NT5C2: variants seen among roughly 807,000 people sequenced by gnomAD.
NT5C2 encodes 5'-nucleotidase, cytosolic II.
A neutral mutation model predicts 76.1 loss-of-function variants in NT5C2; 58 were observed. The ratio of observed to expected loss-of-function variants is 0.76; its 90% CI spans 0.62 to 0.95. The LOEUF is 0.95. Among genes scored for constraint, NT5C2 ranks in the 40% least tolerant of loss-of-function variants. The pLI is 0.00. For synonymous variants in NT5C2, 229 were observed against 237.4 expected (o/e 0.96, Z 0.32); for missense variants, 478 against 690.3 (o/e 0.69, Z 3.45).
intron 1 of NT5C2, among the ~76,000 whole-genome samples, chr10:103,189,809 C>T (rs891615346): frequency 1.3e-5 from 2 of 150,626 alleles, no homozygotes; most frequent in African/African-American, 4.9e-5. Context: ...GCTGGGACTA[C>T]AGGTGGGCGC....
At chr10:103,139,818 T>C (rs1213926194) in intron 3 of NT5C2, among the ~76,000 whole-genome samples, 1 of 152,234 alleles carries the variant, frequency 6.6e-6, no homozygotes, top group Non-Finnish European at 1.5e-5. Context: ...TATTATTAAA[T>C]ATAGCCCTCA....
chr10:103,104,937 C>T (rs2070811193), intron 6 of NT5C2, among the ~76,000 whole-genome samples: 1 of 152,064 alleles, frequency 6.6e-6, no homozygotes, highest in South Asian at 2.1e-4. Flanking sequence ...TTGTTCTGAC[C>T]TTAATACAAT....
Position 103,153,272 on chromosome 10 carries a change from G to A in NT5C2, c.102-13793C>T, listed in dbSNP as rs141882555. ...TTCACTGAGAAAAATGAAAGAGAAAGAATAATAAAATCACTTACCCTTCCT... is the reference window on the plus strand; with the variant it reads ...TTCACTGAGAAAAATGAAAGAGAAAAAATAATAAAATCACTTACCCTTCCT... On this transcript the variant is annotated intron_variant, in intron 3 of 18. Transcript: ENST00000404739. 4.7e-6 allele frequency: 6 copies of A among 1,277,112 alleles called. No individual in the cohort carries two copies. The South Asian group carries it at 7.5e-5, about 16-fold the overall frequency. The allele number at this position is 1,277,112 out of a possible 1,614,324, so 79.1% of individuals were successfully genotyped here.
intron 2 of NT5C2, among the ~76,000 whole-genome samples, chr10:103,178,201 T>C (rs898797098): frequency 6.6e-6 from 1 of 152,224 alleles, no homozygotes; most frequent in Non-Finnish European, 1.5e-5. Context: ...CGTCTCATCA[T>C]ATACAAAATT....
intron 4 of NT5C2, among the ~76,000 whole-genome samples, chr10:103,136,382 T>C (rs1442074651): frequency 6.6e-6 from 1 of 152,224 alleles, no homozygotes; most frequent in African/African-American, 2.4e-5. Flanking sequence ...TCTGTAAATA[T>C]TAAATAACAG....
chr10:103,096,373 G>A (rs935341785), intron 11 of NT5C2, among the ~76,000 whole-genome samples: 3 of 152,180 alleles, frequency 2.0e-5, no homozygotes, highest in African/African-American at 7.2e-5. Flanking sequence ...ATGTAAGACT[G>A]TTTACTACAA....
At chr10:103,155,647 C>T (rs1330254066) in intron 3 of NT5C2, among the ~76,000 whole-genome samples, 1 of 152,130 alleles carries the variant, frequency 6.6e-6, no homozygotes, top group African/African-American at 2.4e-5. Context: ...CATGATCACA[C>T]CACTGCACTC....
intron 4 of NT5C2, among the ~76,000 whole-genome samples, chr10:103,126,515 A>C (rs992747210): frequency 3.3e-5 from 5 of 152,128 alleles, no homozygotes; most frequent in African/African-American, 9.7e-5. Flanking sequence ...CCAGCTACTC[A>C]GGAGGCTGAG....
chr10:103,166,646 TTTTC>T (rs568749862), intron 3 of NT5C2, among the ~76,000 whole-genome samples: 191 of 152,204 alleles, frequency 1.3e-3, no homozygotes, highest in South Asian at 3.1e-3. Flanking sequence ...TTTTGAATTT[TTTTC>T]TTTCTTTCTT....
At chr10:103,183,291 A>ATATATATAATATATATATATATC (rs1554841794) in intron 1 of NT5C2, among the ~76,000 whole-genome samples, 1 of 128,146 alleles carries the variant, frequency 7.8e-6, no homozygotes, top group East Asian at 2.4e-4. Flanking sequence ...ATATATATAT[A>ATATATATAATATATATATATATC]TATCACACAC....
At chr10:103,184,373 G>A (rs371365204) in intron 1 of NT5C2, among the ~76,000 whole-genome samples, 1 of 152,148 alleles carries the variant, frequency 6.6e-6, no homozygotes, top group African/African-American at 2.4e-5. Flanking sequence ...ACACCAAAGT[G>A]ATGCCAACAG....
At chr10:103,130,055 G>A (rs1054613906) in intron 4 of NT5C2, among the ~76,000 whole-genome samples, 3 of 151,678 alleles carry the variant, frequency 2.0e-5, no homozygotes, top group Non-Finnish European at 3.0e-5. Context: ...TGGGAGGTGT[G>A]CCCAACAGCT....
chr10:103,120,556 C>T (rs2135679090), intron 4 of NT5C2, among the ~76,000 whole-genome samples: 1 of 152,190 alleles, frequency 6.6e-6, no homozygotes, highest in East Asian at 1.9e-4. Flanking sequence ...ATTAGAGAAA[C>T]ATGAAATCAA....
intron 4 of NT5C2, among the ~76,000 whole-genome samples, chr10:103,111,221 C>T (rs941634697): frequency 2.0e-5 from 3 of 152,182 alleles, no homozygotes; most frequent in African/African-American, 4.8e-5. Flanking sequence ...TAACTTCACA[C>T]AATATCTGCT....
intron 2 of NT5C2, among the ~76,000 whole-genome samples, chr10:103,177,343 G>C (rs7917650): frequency 0.31 from 47,223 of 152,022 alleles, 7,465 homozygotes; most frequent in Middle Eastern, 0.36. Flanking sequence ...TTTCACTTCT[G>C]TTTTTGAAGT....
At position 103,101,060 on chromosome 10, in the gene NT5C2, C is replaced by CA; in HGVS notation, c.523dup (p.Cys175LeufsTer8). On this transcript the variant is annotated frameshift_variant, in exon 8 of 19. Transcript: ENST00000404739. LOFTEE classifies it high-confidence loss of function. ...ATATACATACCTGGTATATCTGGGA[C>CA]AATTAGTAAAAAAATCTACTAGGCA... 1 of 1,565,208 alleles carries CA rather than the reference C, an allele frequency of 6.4e-7. No individual in the cohort carries two copies. The highest frequency in any genetic ancestry group is 8.8e-7 in the Non-Finnish European group (1 of 1,135,794).
At chr10:103,178,784 G>A (rs1313108145) in intron 2 of NT5C2, among the ~76,000 whole-genome samples, 20 of 139,678 alleles carry the variant, frequency 1.4e-4, no homozygotes, top group South Asian at 2.4e-4. Context: ...GAGCTGAGCC[G>A]AGATCACACC....
intron 4 of NT5C2, among the ~76,000 whole-genome samples, chr10:103,129,121 G>A (rs1187455937): frequency 3.1e-5 from 4 of 129,366 alleles, no homozygotes; most frequent in Non-Finnish European, 6.8e-5. Context: ...CCGGGAGGGA[G>A]GTGGGGGGTC....
intron 3 of NT5C2, chr10:103,146,486 G>A: frequency 1.0e-6 from 1 of 969,366 alleles, no homozygotes; most frequent in African/African-American, 1.8e-5. Context: ...AAAAGAAAAA[G>A]TTACAAGTGC....
Sources: allele counts gnomAD v4.1 joint callset (sites outside exome capture counted in the v4.1 genomes callset), GRCh38; gene constraint gnomAD v4.1.1; transcripts MANE v1.5; gene names NCBI Gene and HGNC (gene_info 2026-07-23, HGNC 2026-07-21).